The following HLTF variants were observed in gnomAD, a reference collection of about 807,000 sequenced individuals.
The protein encoded by HLTF is DNA-dependent ATPase/E3 ubiquitin-protein ligase HLTF.
Under a neutral mutation model 129.4 loss-of-function variants are expected in HLTF, and 127 were observed. The observed-to-expected ratio is 0.98, with a 90% CI of 0.85 to 1.14. The LOEUF (loss-of-function observed/expected upper bound fraction) is 1.14. HLTF is among the 50% of genes most tolerant of loss of function. The pLI is 0.00. For missense variants in HLTF, 1,139 were observed against 1,187.1 expected (o/e 0.96, Z 0.60); for synonymous variants, 332 against 388.8 (o/e 0.85, Z 1.72).
chr3:149,053,047 C>T (rs965563552), intron 14 of HLTF, among the ~76,000 whole-genome samples: 40 of 152,130 alleles, frequency 2.6e-4, no homozygotes, highest in African/African-American at 9.4e-4. Context: ...AGGATTGGTA[C>T]CCAGGTTCTA....
rs762370379 is a variant in HLTF at position 149,035,016 on chromosome 3, G to C, written c.2797-18C>G. ...TTCCAGGCCTAACAAGAACATGGATGAGTTACTTTACTACTGCCCTGATCT... is the reference window on the plus strand; with the variant it reads ...TTCCAGGCCTAACAAGAACATGGATCAGTTACTTTACTACTGCCCTGATCT... On this transcript the variant is annotated intron_variant, in intron 23 of 24. Transcript: ENST00000310053. 1.2e-5 allele frequency: 19 copies of C among 1,565,274 alleles called. No homozygotes were observed. Among genetic ancestry groups the C allele is most frequent in the Non-Finnish European group, 1.7e-5 (19 of 1,135,450 alleles).
chr3:149,037,840 G>T (rs531202075), intron 23 of HLTF, among the ~76,000 whole-genome samples: 1 of 152,028 alleles, frequency 6.6e-6, no homozygotes, highest in Non-Finnish European at 1.5e-5. Flanking sequence ...TTAGTCCAAG[G>T]TCCTCTCAGG....
chr3:149,056,688 G>T (rs1346737755), intron 13 of HLTF, among the ~76,000 whole-genome samples: 7 of 152,154 alleles, frequency 4.6e-5, no homozygotes, highest in African/African-American at 1.7e-4. Context: ...AGTAGGTGCA[G>T]TAAGAGATTC....
chr3:149,079,390 A>G (rs1719679228), intron 2 of HLTF, among the ~76,000 whole-genome samples: 2 of 137,990 alleles, frequency 1.4e-5, no homozygotes, highest in South Asian at 4.2e-4. Flanking sequence ...AAAAAAAAAA[A>G]AAAAAAAAAA....
chr3:149,063,470 T>G lies in HLTF; in HGVS notation c.1121A>C (p.Lys374Thr). 1.2e-6 allele frequency: 2 copies of G among 1,611,452 alleles called. No individual in the cohort carries two copies. Among genetic ancestry groups the G allele is most frequent in the Non-Finnish European group, 1.7e-6 (2 of 1,177,688 alleles). Residue 374 changes from lysine (K) to threonine (T), a missense_variant, in exon 10 of 25, where the codon AAG becomes ACG. Transcript: ENST00000310053. ...PSISDIKEKS[K>T]FRMSELSSSR... ...GCTAGACAATTCTGACATGCGAAAC[T>G]TACTCTTCTCCTTGATATCTGAAAT...
chr3:149,083,067 C>A (rs982733589), intron 2 of HLTF, among the ~76,000 whole-genome samples: 2 of 152,076 alleles, frequency 1.3e-5, no homozygotes, highest in African/African-American at 4.8e-5. Context: ...GCCTGACCAA[C>A]ATGGCAAAAC....
At chr3:149,059,333 CA>C in intron 13 of HLTF, 1 of 376,714 alleles carries the variant, frequency 2.7e-6, no homozygotes, top group Non-Finnish European at 5.1e-6. Flanking sequence ...AAAATCATAA[CA>C]AAGATCACTA....
Position 149,047,957 on chromosome 3 carries a change from A to T in HLTF, c.1892+71T>A, listed in dbSNP as rs561047035. On this transcript the variant is annotated intron_variant, in intron 17 of 24. Transcript: ENST00000310053. ...TAAGAGTCAAGTTAAAATAGTAAAGAAAGTGCCAACTGGTTCAAGCTACTA... is the reference window on the plus strand; with the variant it reads ...TAAGAGTCAAGTTAAAATAGTAAAGTAAGTGCCAACTGGTTCAAGCTACTA... The T allele has an allele frequency of 1.9e-5, 24 of 1,280,156 alleles. No individual in the cohort carries two copies. The South Asian group carries it at 3.3e-4, about 18-fold the overall frequency. 79.3% of individuals were successfully genotyped at this position (1,280,156 alleles called of 1,614,324 possible).
At chr3:149,064,429 T>C (rs1041992124) in intron 9 of HLTF, among the ~76,000 whole-genome samples, 3 of 152,250 alleles carry the variant, frequency 2.0e-5, no homozygotes, top group African/African-American at 4.8e-5. Context: ...GCTAGCTTTC[T>C]AGCATTATCT....
At chr3:149,064,703 G>C in intron 9 of HLTF, 88 bp downstream of exon 9, 2 of 848,950 alleles carry the variant, frequency 2.4e-6, no homozygotes, top group Non-Finnish European at 4.0e-6. Context: ...ACAATATTAG[G>C]CTGAAAAAAC....
chr3:149,039,195 A>G lies in HLTF; in HGVS notation c.2650T>C (p.Ser884Pro). The change falls in exon 23 of 25, where the codon TCC becomes CCC. Residue 884 changes from serine to proline, a missense_variant. Coordinates refer to ENST00000310053, the MANE Select transcript of HLTF (RefSeq NM_003071.4). ...SGFVFTRLDGSMAQKKRVESI... is the reference protein window; with the variant it reads ...SGFVFTRLDGPMAQKKRVESI... ...TCAACTCTTTTCTTTTGGGCCATGGAACCATCCAAACGAGTAAACACAAAT... is the reference window on the plus strand; with the variant it reads ...TCAACTCTTTTCTTTTGGGCCATGGGACCATCCAAACGAGTAAACACAAAT... The G allele has an allele frequency of 6.2e-7, 1 of 1,602,564 alleles. No homozygotes were observed. The highest frequency in any genetic ancestry group is 8.5e-7 in the Non-Finnish European group (1 of 1,175,482).
chr3:149,074,561 A>C (rs2108053448), intron 3 of HLTF, among the ~76,000 whole-genome samples: 1 of 152,318 alleles, frequency 6.6e-6, no homozygotes, highest in East Asian at 1.9e-4. Flanking sequence ...TGCCAGAAAA[A>C]ATTGAGAAAA....
At chr3:149,034,441 G>A (rs1715396905) in intron 24 of HLTF, among the ~76,000 whole-genome samples, 1 of 152,130 alleles carries the variant, frequency 6.6e-6, no homozygotes, top group African/African-American at 2.4e-5. Flanking sequence ...GGAATGGGAA[G>A]TTATTATTTA....
chr3:149,052,293 G>T (rs1341053963), intron 14 of HLTF: 1 of 151,824 alleles, frequency 6.6e-6, no homozygotes, highest in East Asian at 1.9e-4. Context: ...AAAATTATAT[G>T]TTGTATGGAA....
In HLTF at chr3:149,048,844, A is replaced by T. The variant is rs754751780; in HGVS notation, c.1756+19T>A. The T allele has an allele frequency of 6.3e-7, 1 of 1,595,086 alleles. No homozygotes were observed. The highest frequency in any genetic ancestry group is 2.2e-5 in the East Asian group (1 of 44,726). On this transcript the variant is annotated intron_variant, in intron 16 of 24. Coordinates refer to ENST00000310053, the MANE Select transcript of HLTF (RefSeq NM_003071.4). ...ATTTTAGAGATTTAAGGTTTTAGTA[A>T]GTTTAATGCTATGATTACCTGTCAA...
At chr3:149,062,502 G>A (rs968186376) in intron 10 of HLTF, among the ~76,000 whole-genome samples, 11 of 152,194 alleles carry the variant, frequency 7.2e-5, no homozygotes, top group Admixed American at 4.6e-4. Flanking sequence ...ACAAATTTGC[G>A]ATGACTTGTG....
chr3:149,073,194 T>C (rs776045204), intron 5 of HLTF, 31 bp downstream of exon 5: 2 of 1,462,046 alleles, frequency 1.4e-6, no homozygotes, highest in South Asian at 2.6e-5. Flanking sequence ...TAAAATTCAC[T>C]TTTAGATTAC....
intron 14 of HLTF, among the ~76,000 whole-genome samples, chr3:149,052,360 C>A (rs1388837595): frequency 6.6e-6 from 1 of 151,346 alleles, no homozygotes; most frequent in Non-Finnish European, 1.5e-5. Context: ...AAAGTTAGGA[C>A]AACAAATATA....
chr3:149,058,715 T>C (rs1408888161), intron 13 of HLTF, among the ~76,000 whole-genome samples: 1 of 152,208 alleles, frequency 6.6e-6, no homozygotes, highest in African/African-American at 2.4e-5. Flanking sequence ...CAATCAGGAT[T>C]ATGGCTTCTG....
Sources: allele counts gnomAD v4.1 joint callset (sites outside exome capture counted in the v4.1 genomes callset), GRCh38; gene constraint gnomAD v4.1.1; transcripts MANE v1.5; gene names NCBI Gene and HGNC (gene_info 2026-07-23, HGNC 2026-07-21).